Variants in PCGF5 observed in about 807,000 individuals in gnomAD.
PCGF5 encodes polycomb group RING finger protein 5.
PCGF5 carries 9 observed loss-of-function variants against 44.3 expected under a neutral mutation model. That is an observed-to-expected ratio of 0.20 (90% CI 0.12 to 0.35). The LOEUF (loss-of-function observed/expected upper bound fraction) is 0.35. PCGF5 is among the 10% of genes least tolerant of loss of function. The probability of loss-of-function intolerance (pLI) is 1.00; values close to 1 mark genes in which losing one functional copy is unlikely to be tolerated. For missense variants in PCGF5, 146 were observed against 305.3 expected, an observed-to-expected ratio of 0.48 and a Z score of 3.89; for synonymous variants, 95 against 102.5, an observed-to-expected ratio of 0.93 and a Z score of 0.44.
At chr10:91,253,099 A>G (rs1845659818) in intron 6 of PCGF5, among the ~76,000 whole-genome samples, 1 of 151,862 alleles carries the variant, frequency 6.6e-6, no homozygotes, top group Admixed American at 6.6e-5. Context: ...TACTTGATAT[A>G]TGTAAGTATG....
intron 2 of PCGF5, among the ~76,000 whole-genome samples, chr10:91,237,568 C>A (rs1017776121): frequency 6.6e-6 from 1 of 152,104 alleles, no homozygotes; most frequent in Non-Finnish European, 1.5e-5. Flanking sequence ...CATGGCGAAA[C>A]CCCGTCTCTA....
At chr10:91,169,824 A>G (rs539807970) in intron 1 of PCGF5, among the ~76,000 whole-genome samples, 49 of 152,334 alleles carry the variant, frequency 3.2e-4, no homozygotes, top group African/African-American at 1.1e-3. Flanking sequence ...CACAATACTG[A>G]AGGAGAAGAA....
chr10:91,178,362 G>A (rs1215508328), intron 1 of PCGF5, among the ~76,000 whole-genome samples: 2 of 151,736 alleles, frequency 1.3e-5, no homozygotes, highest in South Asian at 4.2e-4. Context: ...GTGAGGCAGG[G>A]TATTGCTGTT....
At position 91,220,713 on chromosome 10, in the gene PCGF5, G is replaced by T. The variant is rs1844649313; in HGVS notation, c.-307G>T. On this transcript the variant is annotated 5_prime_UTR_variant, in exon 1 of 10. It adds an upstream start codon to the 5' untranslated region. Coordinates refer to ENST00000336126, the MANE Select transcript of PCGF5 (RefSeq NM_032373.5). ...CAGAGCCGGCGCGCTCCCGCCTGCA[G>T]GGGGAGAGCAGACGGGGCGCGGGGA... is the stretch of plus-strand genomic sequence containing the variant. The T allele has an allele frequency of 6.6e-6, 1 of 152,210 alleles. No individual in the cohort carries two copies. Among genetic ancestry groups the T allele is most frequent in the African/African-American group, 2.4e-5 (1 of 41,418 alleles). The allele number at this position is 152,210 out of a possible 1,614,324, so 9.4% of individuals were successfully genotyped here.
chr10:91,241,221 T>A (rs1457222798), intron 3 of PCGF5, among the ~76,000 whole-genome samples: 1 of 151,804 alleles, frequency 6.6e-6, no homozygotes, highest in Non-Finnish European at 1.5e-5. Context: ...ATTACAGGCA[T>A]GCGCCACCAC....
intron 1 of PCGF5, among the ~76,000 whole-genome samples, chr10:91,164,866 C>T (rs946541576): frequency 5.9e-5 from 9 of 152,202 alleles, no homozygotes; most frequent in Non-Finnish European, 1.2e-4. Context: ...TAATCGCTAT[C>T]TGATCTTACT....
At position 91,209,478 on chromosome 10, in the gene PCGF5, C is replaced by T. The variant is rs1267575301; in HGVS notation, c.-183-13211C>T. On this transcript the variant is annotated intron_variant, in intron 1 of 9. Transcript: ENST00000614189. ...ATTAGATTAAAAAGAAAAAGGAGGC[C>T]GGGCGCGGTGGCTCACGCCTGTAAT... Among the ~76,000 whole-genome samples, 2 of 1,002 alleles carry T rather than the reference C, an allele frequency of 2.0e-3. 1 individual carries two copies. Among genetic ancestry groups the T allele is most frequent in the African/African-American group, 0.067 (2 of 30 alleles). 0.7% of individuals were successfully genotyped at this position (1,002 alleles called of 152,430 possible).
rs1844721612 is a variant in PCGF5 at position 91,222,964 on chromosome 10, G to A, written c.93G>A (p.Val31=). Residue 31 remains valine (V), a synonymous_variant, in exon 2 of 10, where the codon GTG becomes GTA. Coordinates refer to ENST00000336126, the MANE Select transcript of PCGF5 (RefSeq NM_032373.5). ...GGTATCTGATCAAGCCAACAACAGT[G>A]ACGGAATGCCTCCATACATGTAAGT... is the stretch of plus-strand genomic sequence containing the variant. ...CKGYLIKPTT[V]TECLHTFCKT... The A allele has an allele frequency of 6.3e-7, 1 of 1,599,924 alleles. No individual in the cohort carries two copies. The highest frequency in any genetic ancestry group is 1.3e-5 in the African/African-American group (1 of 74,606).
chr10:91,245,570 A>G (rs1387287964), intron 3 of PCGF5, among the ~76,000 whole-genome samples: 2 of 152,096 alleles, frequency 1.3e-5, no homozygotes, highest in Non-Finnish European at 2.9e-5. Context: ...TTTGAAGGGA[A>G]TGATCCAGTA....
chr10:91,243,717 A>AT (rs1405819697), intron 3 of PCGF5, among the ~76,000 whole-genome samples: 3 of 152,168 alleles, frequency 2.0e-5, no homozygotes, highest in Non-Finnish European at 4.4e-5. Flanking sequence ...CAGTGTAAAT[A>AT]TTTTTCCACT....
rs1476469693 is a variant in PCGF5, at chr10:91,222,827, C to A, written c.-45C>A. On this transcript the variant is annotated 5_prime_UTR_variant, in exon 2 of 10. Transcript: ENST00000336126. ...GGATCAGACTTTCATCTACTTAGGA[C>A]CCCTCTTTGCCCAGACTACTAAAGC... 6.8e-6 allele frequency: 8 copies of A among 1,168,466 alleles called. No individual in the cohort carries two copies. The highest frequency in any genetic ancestry group is 1.0e-5 in the Non-Finnish European group (8 of 776,048). The allele number at this position is 1,168,466 out of a possible 1,614,324, so 72.4% of individuals were successfully genotyped here.
In PCGF5 at chr10:91,281,996, G is replaced by C. The variant is rs951139148; in HGVS notation, c.*3680G>C. The C allele has an allele frequency of 1.3e-5, 2 of 152,166 alleles. No homozygotes were observed. The highest frequency in any genetic ancestry group is 4.1e-4 in the South Asian group (2 of 4,836). The allele number at this position is 152,166 out of a possible 1,614,324, so 9.4% of individuals were successfully genotyped here. A position where few individuals can be genotyped will look rare whatever the true frequency, so the allele number is the denominator to read the frequency against. ...AGGGTTTTTATTTCATGGAGGCAGT[G>C]TTAACTAAAATTAAGCTTAGATTTA... On this transcript the variant is annotated 3_prime_UTR_variant, in exon 10 of 10. Coordinates refer to ENST00000336126, the MANE Select transcript of PCGF5 (RefSeq NM_032373.5).
upstream of PCGF5, among the ~76,000 whole-genome samples, chr10:91,160,230 G>T (rs1319746810): frequency 7.2e-5 from 11 of 152,162 alleles, no homozygotes; most frequent in Admixed American, 6.5e-4. Flanking sequence ...CTCAGTCTTT[G>T]GGGATTTAAA....
At chr10:91,237,303 A>G (rs1845190739) in intron 2 of PCGF5, among the ~76,000 whole-genome samples, 1 of 152,228 alleles carries the variant, frequency 6.6e-6, no homozygotes, top group African/African-American at 2.4e-5. Flanking sequence ...TATGATAATA[A>G]CAGTATATCA....
chr10:91,165,307 A>G (rs1248486005), intron 1 of PCGF5, among the ~76,000 whole-genome samples: 1 of 152,250 alleles, frequency 6.6e-6, no homozygotes, highest in Admixed American at 6.5e-5. Context: ...ATGATTAAAA[A>G]TATTATCTGT....
chr10:91,157,222 C>T, the PCGF5 span, among the ~76,000 whole-genome samples: 1 of 152,078 alleles, frequency 6.6e-6, no homozygotes, highest in Admixed American at 6.6e-5. Context: ...TTCAAACAAC[C>T]CTTTGAGTTA....
rs1408466270 is a variant in PCGF5 at position 91,224,260 on chromosome 10, G to A, written c.112+1277G>A. 3.9e-5 allele frequency among the ~76,000 whole-genome samples: 6 copies of A among 152,002 alleles called. No individual in the cohort carries two copies. The East Asian group carries it at 1.2e-3, about 29-fold the overall frequency. On this transcript the variant is annotated intron_variant, in intron 2 of 9. Transcript: ENST00000336126. ...GTGATGCTGATGTATACTCCTTTGGGGTATTACTGGCACATCTTATTCAAT... is the reference window on the plus strand; with the variant it reads ...GTGATGCTGATGTATACTCCTTTGGAGTATTACTGGCACATCTTATTCAAT...
chr10:91,199,557 G>A (rs1286832087), intron 1 of PCGF5, among the ~76,000 whole-genome samples: 1 of 152,254 alleles, frequency 6.6e-6, no homozygotes, highest in Non-Finnish European at 1.5e-5. Context: ...CTTCTCTGAA[G>A]AGGGATCTGA....
rs1475199884 is a variant in PCGF5 at position 91,281,273 on chromosome 10, T to C, written c.*2957T>C. 6.6e-6 allele frequency: 1 copy of C among 152,466 alleles called. No individual in the cohort carries two copies. The highest frequency in any genetic ancestry group is 1.5e-5 in the Non-Finnish European group (1 of 67,946). 9.4% of individuals were successfully genotyped at this position (152,466 alleles called of 1,614,324 possible). On this transcript the variant is annotated 3_prime_UTR_variant, in exon 10 of 10. Coordinates refer to ENST00000336126, the MANE Select transcript of PCGF5 (RefSeq NM_032373.5). ...ACTCTTAGAGGAGTATATTATTTCTTTATACATTAAACATCTATCCCATAG... is the reference window on the plus strand; with the variant it reads ...ACTCTTAGAGGAGTATATTATTTCTCTATACATTAAACATCTATCCCATAG...
Sources: allele counts gnomAD v4.1 joint callset (sites outside exome capture counted in the v4.1 genomes callset), GRCh38; gene constraint gnomAD v4.1.1; transcripts MANE v1.5; gene names NCBI Gene and HGNC (gene_info 2026-07-23, HGNC 2026-07-21).